Variants in GPATCH2L observed in about 807,000 individuals in gnomAD.
GPATCH2L encodes G patch domain-containing protein 2-like.
GPATCH2L carries 31 observed loss-of-function variants against 57.4 expected under a neutral mutation model. The observed-to-expected ratio is 0.54, with a 90% confidence interval of 0.41 to 0.73. GPATCH2L has a LOEUF of 0.73. GPATCH2L is among the 30% of genes least tolerant of loss of function. The pLI, the probability that GPATCH2L is intolerant of heterozygous loss-of-function variation, is 0.00. For missense variants in GPATCH2L, 481 were observed against 599.9 expected, an observed-to-expected ratio of 0.80 and a Z score of 2.07; for synonymous variants, 199 against 210.7, an observed-to-expected ratio of 0.94 and a Z score of 0.48.
At chr14:76,222,229 A>G (rs1446703367) in intron 1 of GPATCH2L, among the ~76,000 whole-genome samples, 1 of 152,254 alleles carries the variant, frequency 6.6e-6, no homozygotes, top group Admixed American at 6.5e-5. Flanking sequence ...TATTCTAAGA[A>G]TGTAATATGA....
At chr14:76,170,531 T>C (rs2139651119) in intron 3 of GPATCH2L, 1 of 152,324 alleles carries the variant, frequency 6.6e-6, no homozygotes, top group East Asian at 1.9e-4. Context: ...GGGAAAATGG[T>C]ATAACTTATT....
At chr14:76,223,403 C>A (rs977441619) in intron 1 of GPATCH2L, among the ~76,000 whole-genome samples, 1 of 152,092 alleles carries the variant, frequency 6.6e-6, no homozygotes, top group Non-Finnish European at 1.5e-5. Flanking sequence ...GAAGTTGGAT[C>A]CCTCTTTATA....
At chr14:76,159,618 C>T (rs1482211185) in intron 2 of GPATCH2L, among the ~76,000 whole-genome samples, 1 of 151,932 alleles carries the variant, frequency 6.6e-6, no homozygotes, top group Non-Finnish European at 1.5e-5. Context: ...AGGAGTGTGC[C>T]GTAAATGAAG....
At chr14:76,232,864 T>C (rs998195649) in intron 2 of GPATCH2L, among the ~76,000 whole-genome samples, 6 of 152,196 alleles carry the variant, frequency 3.9e-5, no homozygotes, top group Non-Finnish European at 8.8e-5. Context: ...TGGGGCTCCA[T>C]AGTTGACTGC....
At position 76,180,778 on chromosome 14, in the gene GPATCH2L, T is replaced by A. The variant is rs749661073; in HGVS notation, c.1122T>A (p.Ser374=). 6.2e-7 allele frequency: 1 copy of A among 1,610,814 alleles called. No homozygotes were observed. The highest frequency in any genetic ancestry group is 8.5e-7 in the Non-Finnish European group (1 of 1,176,942). ...CATTCCTGCAGTTCAATCCCCTGTC[T>A]CCCCTTTACTCCCTGGATGTTCTTG... ...SACAHEFNPL[S]PLYSLDVLAD... Residue 374 remains serine (S), a synonymous_variant, in exon 8 of 10, where the codon TCT becomes TCA. Coordinates refer to ENST00000261530, the MANE Select transcript of GPATCH2L (RefSeq NM_017926.4).
At chr14:76,186,746 A>G (rs2039780622) in intron 8 of GPATCH2L, among the ~76,000 whole-genome samples, 1 of 152,230 alleles carries the variant, frequency 6.6e-6, no homozygotes, top group South Asian at 2.1e-4. Context: ...AAGTGGAATG[A>G]TGAAAGCATT....
chr14:76,165,515 G>A (rs2038793339), intron 2 of GPATCH2L, among the ~76,000 whole-genome samples: 2 of 150,446 alleles, frequency 1.3e-5, no homozygotes, highest in African/African-American at 2.4e-5. Flanking sequence ...AGAAGAAATA[G>A]GGTTTGTTCC....
chr14:76,205,750 C>T lies in GPATCH2L; in HGVS notation c.*3899C>T, dbSNP rs2040368196. 6.6e-6 allele frequency: 1 copy of T among 152,258 alleles called. No homozygotes were observed. The highest frequency in any genetic ancestry group is 6.5e-5 in the Admixed American group (1 of 15,278). 9.4% of individuals were successfully genotyped at this position (152,258 alleles called of 1,614,324 possible). ...AGAGTGTTGAGACAAAGGAACTAGGCTGGCACAGTCATTGCTGATGCGATG... is the reference window on the plus strand; with the variant it reads ...AGAGTGTTGAGACAAAGGAACTAGGTTGGCACAGTCATTGCTGATGCGATG... On this transcript the variant is annotated 3_prime_UTR_variant, in exon 10 of 10. Coordinates refer to ENST00000261530, the MANE Select transcript of GPATCH2L (RefSeq NM_017926.4).
chr14:76,213,020 C>G lies in GPATCH2L; in HGVS notation c.*11169C>G, dbSNP rs2040458751. 1 of 151,676 alleles carries G rather than the reference C, an allele frequency of 6.6e-6. No homozygotes were observed. The highest frequency in any genetic ancestry group is 2.4e-5 in the African/African-American group (1 of 41,266). The allele number at this position is 151,676 out of a possible 1,614,324, so 9.4% of individuals were successfully genotyped here. A position where few individuals can be genotyped will look rare whatever the true frequency, so the allele number is the denominator to read the frequency against. ...AGTGCTCAGAGGAAAATTCATTGCC[C>G]TAAAATTTATGTATTAAAAAATAAG... On this transcript the variant is annotated 3_prime_UTR_variant, in exon 10 of 10. Transcript: ENST00000261530.
chr14:76,180,558 C>CT (rs930896717), intron 7 of GPATCH2L, among the ~76,000 whole-genome samples: 3 of 151,826 alleles, frequency 2.0e-5, no homozygotes, highest in South Asian at 2.1e-4. Flanking sequence ...TAAGGAATAG[C>CT]TTTTTTTTTC....
intron 1 of GPATCH2L, chr14:76,153,609 G>A (rs2139525138): frequency 1.3e-5 from 2 of 152,252 alleles, no homozygotes; most frequent in African/African-American, 4.8e-5. Context: ...GTAGGAGAGG[G>A]GCTTAAAAAT....
At chr14:76,157,241 A>G (rs2038351136) in intron 2 of GPATCH2L, among the ~76,000 whole-genome samples, 1 of 152,200 alleles carries the variant, frequency 6.6e-6, no homozygotes, top group Non-Finnish European at 1.5e-5. Context: ...TTTCCCCCTG[A>G]ATCCATTCTG....
At chr14:76,214,821 A>G (rs904135279), downstream of GPATCH2L, among the ~76,000 whole-genome samples, 1 of 152,190 alleles carries the variant, frequency 6.6e-6, no homozygotes, top group Non-Finnish European at 1.5e-5. Context: ...TTATCTTCTT[A>G]GCTTAGTATA....
chr14:76,169,580 C>A (rs2038996961), intron 3 of GPATCH2L, among the ~76,000 whole-genome samples: 1 of 152,158 alleles, frequency 6.6e-6, no homozygotes, highest in Admixed American at 6.5e-5. Flanking sequence ...CTTAGTGAAC[C>A]CTGATTGAAG....
chr14:76,179,875 A>T (rs1288586740), intron 7 of GPATCH2L: 2 of 152,120 alleles, frequency 1.3e-5, no homozygotes, highest in Non-Finnish European at 2.9e-5. Flanking sequence ...TTTAGCCCTC[A>T]TAATAACCCT....
At chr14:76,189,643 A>G (rs186400436) in intron 8 of GPATCH2L, among the ~76,000 whole-genome samples, 56 of 152,254 alleles carry the variant, frequency 3.7e-4, no homozygotes, top group African/African-American at 1.2e-3. Flanking sequence ...TATCATCTAC[A>G]AACAAGGATA....
intron 8 of GPATCH2L, among the ~76,000 whole-genome samples, chr14:76,194,042 C>T (rs2040068764): frequency 6.6e-6 from 1 of 152,022 alleles, no homozygotes; most frequent in South Asian, 2.1e-4. Flanking sequence ...ACTTTATTTT[C>T]TGCTTGTGTC....
rs148539744 is a variant in GPATCH2L at position 76,177,964 on chromosome 14, A to G, written c.1053-24A>G. 1,702 of 1,602,468 alleles carry G rather than the reference A, an allele frequency of 1.1e-3. 11 individuals are homozygous for G. Among genetic ancestry groups the G allele is most frequent in the East Asian group, 3.9e-3 (176 of 44,786 alleles). Reference sequence around the variant, plus strand: ...CATTTTTCTTTGTCATCTTTATTTTATCATTTGGTTTCCTTTTCTTTAGAA... The same window carrying G: ...CATTTTTCTTTGTCATCTTTATTTTGTCATTTGGTTTCCTTTTCTTTAGAA... On this transcript the variant is annotated intron_variant, in intron 6 of 9. Transcript: ENST00000261530.
At chr14:76,166,168 A>G (rs878878500) in intron 2 of GPATCH2L, among the ~76,000 whole-genome samples, 4 of 152,186 alleles carry the variant, frequency 2.6e-5, no homozygotes, top group Admixed American at 2.6e-4. Context: ...ATGAAGGAGG[A>G]CAGTAAATTC....
Sources: allele counts gnomAD v4.1 joint callset (sites outside exome capture counted in the v4.1 genomes callset), GRCh38; gene constraint gnomAD v4.1.1; transcripts MANE v1.5; gene names NCBI Gene and HGNC (gene_info 2026-07-23, HGNC 2026-07-21).